The following CELF2 variants were observed in gnomAD, a reference collection of about 807,000 sequenced individuals.
CELF2 encodes CUGBP Elav-like family member 2.
Under a neutral mutation model 62.6 loss-of-function variants are expected in CELF2, and 8 were observed. The ratio of observed to expected loss-of-function variants is 0.13; its 90% CI spans 0.07 to 0.23. CELF2 has a LOEUF of 0.23. Ranked by LOEUF, CELF2 falls within the 10% of genes least tolerant of loss-of-function variation. The pLI is 1.00. For synonymous variants in CELF2, 258 were observed against 250.0 expected, an observed-to-expected ratio of 1.03 and a Z score of -0.30; for missense variants, 333 against 671.0, an observed-to-expected ratio of 0.50 and a Z score of 5.56.
the CELF2 span, among the ~76,000 whole-genome samples, chr10:10,527,070 C>T: frequency 6.6e-6 from 1 of 152,222 alleles, no homozygotes; most frequent in African/African-American, 2.4e-5. Flanking sequence ...GGTTAATATT[C>T]GGTTGATCTT....
the CELF2 span, among the ~76,000 whole-genome samples, chr10:10,490,342 A>G: frequency 2.0e-5 from 3 of 152,176 alleles, no homozygotes; most frequent in East Asian, 5.8e-4. Flanking sequence ...ATCACATGGC[A>G]TCTGCCAAGT....
At chr10:10,577,822 G>A in the CELF2 span, among the ~76,000 whole-genome samples, 150 of 152,168 alleles carry the variant, frequency 9.9e-4, no homozygotes, top group African/African-American at 3.3e-3. Context: ...ATAAACATAC[G>A]TGTGCATGTG....
the CELF2 span, among the ~76,000 whole-genome samples, chr10:10,503,521 A>T: frequency 3.3e-5 from 5 of 151,870 alleles, no homozygotes; most frequent in Non-Finnish European, 5.9e-5. Flanking sequence ...TCAGATATTA[A>T]TATAGCCACT....
At chr10:11,137,692 G>A (rs745307771) in intron 1 of CELF2, among the ~76,000 whole-genome samples, 17 of 152,310 alleles carry the variant, frequency 1.1e-4, no homozygotes, top group South Asian at 2.1e-4. Flanking sequence ...AGCCTACTGC[G>A]TGTATATTAA....
At chr10:11,262,125 A>T (rs2080836831) in intron 5 of CELF2, among the ~76,000 whole-genome samples, 1 of 152,210 alleles carries the variant, frequency 6.6e-6, no homozygotes, top group African/African-American at 2.4e-5. Flanking sequence ...AGCTGTGTTT[A>T]TGGTGTTCCA....
At chr10:11,234,389 A>T (rs1003913720) in intron 3 of CELF2, among the ~76,000 whole-genome samples, 10 of 152,212 alleles carry the variant, frequency 6.6e-5, no homozygotes, top group African/African-American at 2.2e-4. Context: ...ACATAAAAAA[A>T]ATTCAAGTTC....
chr10:10,679,995 A>C, the CELF2 span, among the ~76,000 whole-genome samples: 1 of 152,190 alleles, frequency 6.6e-6, no homozygotes, highest in African/African-American at 2.4e-5. Flanking sequence ...AGAGTATATA[A>C]AATGTATATT....
At chr10:11,261,492 C>T (rs1358206356) in intron 5 of CELF2, among the ~76,000 whole-genome samples, 2 of 151,290 alleles carry the variant, frequency 1.3e-5, no homozygotes, top group East Asian at 3.9e-4. Context: ...CCATCTTACT[C>T]AGCGGCCCCA....
chr10:10,594,991 A>G, the CELF2 span, among the ~76,000 whole-genome samples: 1 of 152,216 alleles, frequency 6.6e-6, no homozygotes, highest in Non-Finnish European at 1.5e-5. Flanking sequence ...CTGGTTGCTC[A>G]TGCTAGGACA....
the CELF2 span, among the ~76,000 whole-genome samples, chr10:10,689,882 A>G: frequency 6.6e-6 from 1 of 152,256 alleles, no homozygotes; most frequent in Non-Finnish European, 1.5e-5. Flanking sequence ...AACAGAAATC[A>G]AACATGAAAT....
chr10:10,636,349 A>T, the CELF2 span, among the ~76,000 whole-genome samples: 1 of 152,184 alleles, frequency 6.6e-6, no homozygotes, highest in Non-Finnish European at 1.5e-5. Flanking sequence ...TATATGACAG[A>T]TATTTATTTA....
At chr10:10,991,025 T>A (rs576352285) in intron 2 of CELF2, among the ~76,000 whole-genome samples, 1 of 152,024 alleles carries the variant, frequency 6.6e-6, no homozygotes, top group East Asian at 1.9e-4. Context: ...GTGTGAGTTT[T>A]TTTCCCCCCA....
At position 11,178,750 on chromosome 10, in the gene CELF2, C is replaced by T. The variant is rs2072173285; in HGVS notation, c.271+13068C>T. 6.6e-6 allele frequency among the ~76,000 whole-genome samples: 1 copy of T among 152,224 alleles called. No homozygotes were observed. Among genetic ancestry groups the T allele is most frequent in the Non-Finnish European group, 1.5e-5 (1 of 68,028 alleles). The stretch of plus-strand genomic sequence containing the variant: ...ACATGTCTTCCAGACGGCTAGAATG[C>T]TCAGGAGATAAGAGTGGGGCCTATC... On this transcript the variant is annotated intron_variant, in intron 2 of 12. Coordinates refer to ENST00000633077, the MANE Select transcript of CELF2 (RefSeq NM_001326342.2). This position sits in a 1 kb window ranked among gnomAD's most constrained non-coding sequence, Gnocchi z 4.3.
chr10:11,108,815 T>A (rs1311948253), intron 1 of CELF2, among the ~76,000 whole-genome samples: 2 of 152,258 alleles, frequency 1.3e-5, no homozygotes, highest in Non-Finnish European at 2.9e-5. Context: ...CTTTATAAAC[T>A]TCTTAGCCAT....
chr10:11,022,020 C>T (rs994420525), intron 1 of CELF2, among the ~76,000 whole-genome samples: 6 of 152,122 alleles, frequency 3.9e-5, no homozygotes, highest in Non-Finnish European at 8.8e-5. Context: ...AGATAAAGAT[C>T]AAAAGCAGTG....
intron 5 of CELF2, 116 bp downstream of exon 5, chr10:11,257,988 T>A: frequency 8.5e-7 from 1 of 1,180,690 alleles, no homozygotes; most frequent in Non-Finnish European, 1.2e-6. Flanking sequence ...ATACATCCCA[T>A]GTGATAAAGT....
chr10:11,248,697 C>T (rs1006345434), intron 3 of CELF2, among the ~76,000 whole-genome samples: 5 of 152,356 alleles, frequency 3.3e-5, no homozygotes, highest in Middle Eastern at 3.4e-3. Flanking sequence ...TTAGCCTCTA[C>T]TTATGAAGCA....
At chr10:11,038,362 C>G (rs1022660005) in intron 1 of CELF2, among the ~76,000 whole-genome samples, 1 of 152,152 alleles carries the variant, frequency 6.6e-6, no homozygotes, top group African/African-American at 2.4e-5. Context: ...AAGTGGTTTG[C>G]GCTGCATTAT....
At chr10:11,059,128 G>A (rs1227983868) in intron 1 of CELF2, among the ~76,000 whole-genome samples, 1 of 152,164 alleles carries the variant, frequency 6.6e-6, no homozygotes, top group African/African-American at 2.4e-5. Flanking sequence ...TTAACAAACT[G>A]CTACTTCAGC....
Sources: gnomAD v4.1 joint callset for allele counts (sites outside exome capture counted in the v4.1 genomes callset) on GRCh38, gnomAD v4.1.1 for gene constraint, Gnocchi (gnomAD v3.1) non-coding constraint, MANE v1.5 for transcripts, NCBI Gene and HGNC (gene_info 2026-07-23, HGNC 2026-07-21) for gene names.